Variants in GLMN observed in about 807,000 individuals in gnomAD.
GLMN encodes the protein glomulin.
GLMN carries 75 observed loss-of-function variants against 87.8 expected under a neutral mutation model. That is an observed-to-expected ratio of 0.85 (90% CI 0.71 to 1.04). The LOEUF (loss-of-function observed/expected upper bound fraction) is 1.04. GLMN is among the 50% of genes least tolerant of loss of function. The pLI is 0.00. For missense variants in GLMN, 588 were observed against 658.8 expected, an observed-to-expected ratio of 0.89 and a Z score of 1.18; for synonymous variants, 206 against 221.6, an observed-to-expected ratio of 0.93 and a Z score of 0.63.
intron 16 of GLMN, among the ~76,000 whole-genome samples, chr1:92,251,696 A>C (rs1653520186): frequency 1.3e-5 from 2 of 152,180 alleles, no homozygotes; most frequent in South Asian, 4.1e-4. Flanking sequence ...ATCCATGAAA[A>C]ACTTTCCTCT....
At chr1:92,255,274 C>A (rs570375703) in intron 16 of GLMN, among the ~76,000 whole-genome samples, 3 of 152,038 alleles carry the variant, frequency 2.0e-5, no homozygotes, top group Non-Finnish European at 4.4e-5. Context: ...CTCTTAGAGA[C>A]CTACAGAGAC....
At chr1:92,291,641 G>T (rs901074467) in intron 3 of GLMN, 104 bp from the exon 4 acceptor site, 1 of 1,116,360 alleles carries the variant, frequency 9.0e-7, no homozygotes, top group Middle Eastern at 2.0e-4. Context: ...GAAATAGGAA[G>T]ATGAGACAAG....
At chr1:92,346,429 G>T in the GLMN span, among the ~76,000 whole-genome samples, 1 of 152,072 alleles carries the variant, frequency 6.6e-6, no homozygotes, top group South Asian at 2.1e-4. Context: ...CTCCCAAACT[G>T]CTAGGATTAT....
At chr1:92,348,618 C>T in the GLMN span, among the ~76,000 whole-genome samples, 1 of 152,106 alleles carries the variant, frequency 6.6e-6, no homozygotes, top group East Asian at 1.9e-4. Flanking sequence ...AGAAATTCCC[C>T]TTTAGCTTTT....
At chr1:92,271,351 CTATT>C (rs1656212521) in intron 8 of GLMN, 110 bp downstream of exon 8, 6 of 801,854 alleles carry the variant, frequency 7.5e-6, no homozygotes, top group Admixed American at 5.5e-5. Flanking sequence ...ATAGCCTTTA[CTATT>C]TATTTAAAAT....
At chr1:92,284,202 G>A (rs897412746) in intron 7 of GLMN, among the ~76,000 whole-genome samples, 4 of 152,094 alleles carry the variant, frequency 2.6e-5, no homozygotes, top group African/African-American at 9.7e-5. Flanking sequence ...GAGGCATCAA[G>A]CTACCTGACT....
chr1:92,301,820 G>A (rs1211224834), upstream of GLMN, among the ~76,000 whole-genome samples: 3 of 152,156 alleles, frequency 2.0e-5, no homozygotes, highest in Non-Finnish European at 2.9e-5. Flanking sequence ...GTGATGACAC[G>A]TAATGTATAT....
chr1:92,313,443 CTTTT>C, the GLMN span, among the ~76,000 whole-genome samples: 7 of 145,042 alleles, frequency 4.8e-5, no homozygotes, highest in African/African-American at 1.8e-4. Flanking sequence ...GGAAAGGAAT[CTTTT>C]TTTTTTTTTT....
intron 16 of GLMN, among the ~76,000 whole-genome samples, chr1:92,262,563 G>A (rs1422415807): frequency 1.3e-5 from 2 of 152,182 alleles, no homozygotes; most frequent in Non-Finnish European, 2.9e-5. Context: ...GACACCATAT[G>A]TACGTTGAGC....
chr1:92,264,702 A>G (rs1655416774), intron 13 of GLMN, 64 bp from the exon 14 acceptor site: 1 of 919,508 alleles, frequency 1.1e-6, no homozygotes, highest in Non-Finnish European at 1.8e-6. Context: ...AAATGGTGAT[A>G]AAAGTTTTAC....
At chr1:92,336,426 A>G in the GLMN span, 1 of 1,580,080 alleles carries the variant, frequency 6.3e-7, no homozygotes, top group Non-Finnish European at 8.7e-7. Flanking sequence ...TCGAACTTTC[A>G]GGTTAGTGTT....
chr1:92,299,503 C>G (rs1650633568), upstream of GLMN, among the ~76,000 whole-genome samples: 1 of 152,134 alleles, frequency 6.6e-6, no homozygotes, highest in East Asian at 1.9e-4. Context: ...GTCCTCCTTT[C>G]CAGATTGCTT....
At chr1:92,351,991 G>A in the GLMN span, among the ~76,000 whole-genome samples, 2 of 152,164 alleles carry the variant, frequency 1.3e-5, no homozygotes, top group Admixed American at 6.5e-5. Flanking sequence ...GTTATCCAAT[G>A]AAGGAGATGA....
At chr1:92,258,753 G>C (rs1374455753) in intron 16 of GLMN, among the ~76,000 whole-genome samples, 2 of 152,114 alleles carry the variant, frequency 1.3e-5, no homozygotes, top group Non-Finnish European at 2.9e-5. Flanking sequence ...GGGCCTGTCA[G>C]GGTTCGGGGG....
chr1:92,313,026 C>T, the GLMN span, among the ~76,000 whole-genome samples: 161 of 152,178 alleles, frequency 1.1e-3, 1 homozygote, highest in East Asian at 1.4e-3. Context: ...CCACCACACC[C>T]GGCTTATTTT....
At chr1:92,286,641 A>C (rs1365961376) in intron 6 of GLMN, 49 bp from the exon 7 acceptor site, 1 of 876,820 alleles carries the variant, frequency 1.1e-6, no homozygotes, top group African/African-American at 1.6e-5. Context: ...TCCAAGTATA[A>C]AATCCCTAGG....
chr1:92,283,134 G>A lies in GLMN; in HGVS notation c.735+3356C>T, dbSNP rs967206598. 1.5e-4 allele frequency among the ~76,000 whole-genome samples: 23 copies of A among 152,170 alleles called. 1 individual carries two copies. Among genetic ancestry groups the A allele is most frequent in the Non-Finnish European group, 2.9e-4 (20 of 67,996 alleles). On this transcript the variant is annotated intron_variant, in intron 7 of 18. Transcript: ENST00000370360. Reference sequence around the variant, plus strand: ...CCTCCCTAACTCATTTTAGGAGGCCGGCATCATCCTGATACCAAAGCCTGG... The same window carrying A: ...CCTCCCTAACTCATTTTAGGAGGCCAGCATCATCCTGATACCAAAGCCTGG...
At chr1:92,310,156 T>C in the GLMN span, among the ~76,000 whole-genome samples, 137 of 152,344 alleles carry the variant, frequency 9.0e-4, 1 homozygote, top group African/African-American at 2.8e-3. Context: ...ACTGTAGCCC[T>C]TAATTATATA....
At chr1:92,261,710 A>C (rs1266345357) in intron 16 of GLMN, among the ~76,000 whole-genome samples, 1 of 152,096 alleles carries the variant, frequency 6.6e-6, no homozygotes, top group African/African-American at 2.4e-5. Context: ...TACTTCAAAG[A>C]AAAACTACAG....
Sources: gnomAD v4.1 joint callset for allele counts (sites outside exome capture counted in the v4.1 genomes callset) on GRCh38, gnomAD v4.1.1 for gene constraint, MANE v1.5 for transcripts, NCBI Gene and HGNC (gene_info 2026-07-23, HGNC 2026-07-21) for gene names.